The following CUX2 variants were observed in gnomAD, a reference collection of about 807,000 sequenced individuals.
CUX2 encodes the protein homeobox protein cut-like 2.
CUX2 carries 40 observed loss-of-function variants against 144.8 expected under a neutral mutation model. The ratio of observed to expected loss-of-function variants is 0.28; its 90% CI spans 0.21 to 0.36. The LOEUF is 0.36. CUX2 is among the 10% of genes least tolerant of loss of function. The pLI, the probability that CUX2 is intolerant of heterozygous loss-of-function variation, is 1.00. For synonymous variants in CUX2, 827 were observed against 875.6 expected, an observed-to-expected ratio of 0.94 and a Z score of 0.98; for missense variants, 1,615 against 1,994.0, an observed-to-expected ratio of 0.81 and a Z score of 3.62.
intron 3 of CUX2, among the ~76,000 whole-genome samples, chr12:111,250,833 T>C (rs1883526483): frequency 6.6e-6 from 1 of 152,120 alleles, no homozygotes. Flanking sequence ...AAGAGAAAAC[T>C]GGACATAGAT....
intron 1 of CUX2, among the ~76,000 whole-genome samples, chr12:111,075,235 GC>G (rs1168063982): frequency 6.6e-6 from 1 of 152,206 alleles, no homozygotes; most frequent in Non-Finnish European, 1.5e-5. Context: ...AACTAGGCGG[GC>G]CGACCCTGTC....
intron 1 of CUX2, among the ~76,000 whole-genome samples, chr12:111,199,126 G>T (rs1880417004): frequency 6.6e-6 from 1 of 152,178 alleles, no homozygotes; most frequent in South Asian, 2.1e-4. Context: ...TTGGACAAAG[G>T]CGGCAGTGGG....
intron 1 of CUX2, among the ~76,000 whole-genome samples, chr12:111,062,595 T>C (rs1395685504): frequency 6.6e-6 from 1 of 151,534 alleles, no homozygotes; most frequent in Non-Finnish European, 1.5e-5. Flanking sequence ...ACAGACATGC[T>C]CTCTGCTCTC....
chr12:111,166,224 G>C (rs1878132708), intron 1 of CUX2, among the ~76,000 whole-genome samples: 1 of 152,156 alleles, frequency 6.6e-6, no homozygotes, highest in African/African-American at 2.4e-5. Flanking sequence ...TCTCGCTATT[G>C]TTGCCCAGGC....
intron 16 of CUX2, among the ~76,000 whole-genome samples, chr12:111,319,345 AT>A (rs935753576): frequency 1.0e-4 from 15 of 150,616 alleles, no homozygotes; most frequent in South Asian, 4.2e-4. Context: ...TTTTTAAAGA[AT>A]TTTTTTTTTA....
intron 1 of CUX2, among the ~76,000 whole-genome samples, chr12:111,124,753 T>C (rs12310096): frequency 0.029 from 4,459 of 152,272 alleles, 218 homozygotes; most frequent in African/African-American, 0.1. Flanking sequence ...GTAATGAGTG[T>C]AGTACCCAAC....
chr12:111,203,505 A>G (rs1880731462), intron 1 of CUX2, among the ~76,000 whole-genome samples: 1 of 151,444 alleles, frequency 6.6e-6, no homozygotes, highest in Non-Finnish European at 1.5e-5. Context: ...TGATTGTGCC[A>G]CTGTACTGCA....
chr12:111,065,631 C>T (rs1478292147), intron 1 of CUX2, among the ~76,000 whole-genome samples: 1 of 152,234 alleles, frequency 6.6e-6, no homozygotes, highest in African/African-American at 2.4e-5. Flanking sequence ...CCACCGCACC[C>T]AGCCACCCCT....
In CUX2 at chr12:111,246,394, GA is replaced by G. The variant is rs1234676355; in HGVS notation, c.223-17366del. Among the ~76,000 whole-genome samples the G allele has an allele frequency of 3.3e-5, 5 of 152,068 alleles. No individual in the cohort carries two copies. The highest frequency in any genetic ancestry group is 1.5e-5 in the Non-Finnish European group (1 of 68,014). On this transcript the variant is annotated intron_variant, in intron 3 of 21. Transcript: ENST00000261726. This position sits in a 1 kb window ranked among gnomAD's most constrained non-coding sequence, Gnocchi z 4.0. ...CACAGGGCTTTTAGGATGATTTCTA[GA>G]CTTAATACATATAAAGCACTTAAAA...
At chr12:111,092,835 GA>G (rs1344272055) in intron 1 of CUX2, among the ~76,000 whole-genome samples, 7 of 71,786 alleles carry the variant, frequency 9.8e-5, no homozygotes, top group African/African-American at 3.4e-4. Flanking sequence ...TTTTTTTTAA[GA>G]AAAGTTCTCA....
At chr12:111,328,045 G>A (rs988349531) in intron 18 of CUX2, among the ~76,000 whole-genome samples, 5 of 152,228 alleles carry the variant, frequency 3.3e-5, no homozygotes, top group African/African-American at 7.2e-5. Flanking sequence ...ACAATAGAGC[G>A]AGACCCTGTC....
Position 111,334,431 on chromosome 12 carries a change from T to C in CUX2, c.2927-10T>C. ...ATAGTAACCACCTTCTCTTTCTCTG[T>C]GGCCCACAGCCAGTCCCACAGAACC... is the stretch of plus-strand genomic sequence containing the variant. On this transcript the variant is annotated splice_polypyrimidine_tract_variant and intron_variant, in intron 18 of 21. Coordinates refer to ENST00000261726, the MANE Select transcript of CUX2 (RefSeq NM_015267.4). The C allele has an allele frequency of 6.4e-7, 1 of 1,566,938 alleles. No homozygotes were observed.
intron 1 of CUX2, among the ~76,000 whole-genome samples, chr12:111,067,103 AGCAGCCCT>A (rs1175994675): frequency 1.3e-5 from 2 of 152,204 alleles, no homozygotes; most frequent in Non-Finnish European, 2.9e-5. Flanking sequence ...AACTTGGGGT[AGCAGCCCT>A]GCACCCCACC....
At chr12:111,103,601 A>G (rs1873403838) in intron 1 of CUX2, among the ~76,000 whole-genome samples, 1 of 152,184 alleles carries the variant, frequency 6.6e-6, no homozygotes, top group Non-Finnish European at 1.5e-5. Context: ...TGATGCATGA[A>G]TCTCAAATAG....
chr12:111,219,211 A>T (rs1881712656), intron 3 of CUX2, among the ~76,000 whole-genome samples: 1 of 151,992 alleles, frequency 6.6e-6, no homozygotes, highest in Non-Finnish European at 1.5e-5. Context: ...TGATTTCCAT[A>T]TTTTTCATCC....
rs1869805886 is a variant in CUX2, at chr12:111,042,635, T to C, written c.63+8395T>C. Reference sequence around the variant, plus strand: ...CCTTAAGAATTGTTGTGAGGACTTTTATTATTATTTTTTTGAGACGAGGTC... The same window carrying C: ...CCTTAAGAATTGTTGTGAGGACTTTCATTATTATTTTTTTGAGACGAGGTC... On this transcript the variant is annotated intron_variant, in intron 1 of 21. Coordinates refer to ENST00000261726, the MANE Select transcript of CUX2 (RefSeq NM_015267.4). Among the ~76,000 whole-genome samples the C allele has an allele frequency of 3.3e-5, 5 of 152,108 alleles. 1 individual carries two copies. The South Asian group carries it at 1.0e-3, about 32-fold the overall frequency.
At chr12:111,236,859 G>A (rs1033734289) in intron 3 of CUX2, among the ~76,000 whole-genome samples, 1 of 152,168 alleles carries the variant, frequency 6.6e-6, no homozygotes, top group Non-Finnish European at 1.5e-5. Flanking sequence ...TCCTAAAAGC[G>A]GCAAAAGCGG....
At chr12:111,234,303 G>A (rs1882623464) in intron 3 of CUX2, among the ~76,000 whole-genome samples, 1 of 152,150 alleles carries the variant, frequency 6.6e-6, no homozygotes, top group Admixed American at 6.5e-5. Flanking sequence ...CCAAATTCAG[G>A]GAGCAGCAAA....
intron 19 of CUX2, among the ~76,000 whole-genome samples, chr12:111,335,999 G>C (rs558862541): frequency 6.6e-6 from 1 of 152,184 alleles, no homozygotes; most frequent in African/African-American, 2.4e-5. Context: ...AGGACCCTGT[G>C]TGAGGCATCT....
Sources: allele counts gnomAD v4.1 joint callset (sites outside exome capture counted in the v4.1 genomes callset), GRCh38; gene constraint gnomAD v4.1.1; non-coding constraint Gnocchi (gnomAD v3.1); transcripts MANE v1.5; gene names NCBI Gene and HGNC (gene_info 2026-07-23, HGNC 2026-07-21).